Variants in SOAT1 observed in about 807,000 individuals in gnomAD.
SOAT1 encodes acyl-coenzyme A:cholesterol acyltransferase 1.
In SOAT1, 55 loss-of-function variants were observed where a neutral mutation model predicts 69.5. That is an observed-to-expected ratio of 0.79 (90% CI 0.64 to 0.99). The LOEUF (loss-of-function observed/expected upper bound fraction) is 0.99. SOAT1 is among the 50% of genes least tolerant of loss of function. SOAT1 has a pLI of 0.00. For missense variants in SOAT1, 580 were observed against 669.3 expected (o/e 0.87, Z 1.47); for synonymous variants, 231 against 224.7 (o/e 1.03, Z -0.25).
intron 11 of SOAT1, 102 bp downstream of exon 11, chr1:179,345,178 C>T (rs1254368391): frequency 1.1e-5 from 13 of 1,135,694 alleles, no homozygotes; most frequent in Non-Finnish European, 1.6e-5. Context: ...TTCATCTAAA[C>T]TTCTATACAT....
chr1:179,346,967 C>T (rs920292163), intron 11 of SOAT1, among the ~76,000 whole-genome samples: 1 of 151,938 alleles, frequency 6.6e-6, no homozygotes, highest in Non-Finnish European at 1.5e-5. Flanking sequence ...AAAATCTCTC[C>T]CAGTTTTAAA....
chr1:179,358,150 C>CT lies in SOAT1; in HGVS notation c.*4512dup. ...CTTATATGTTTTTGGTAAAAAAAGACTTTAATAGCTAATTTGGACTTCAGA... is the reference window on the plus strand; with the variant it reads ...CTTATATGTTTTTGGTAAAAAAAGACTTTTAATAGCTAATTTGGACTTCAGA... On this transcript the variant is annotated 3_prime_UTR_variant, in exon 16 of 16. Coordinates refer to ENST00000367619, the MANE Select transcript of SOAT1 (RefSeq NM_003101.6). The CT allele has an allele frequency of 6.6e-6, 1 of 152,156 alleles. No homozygotes were observed. The highest frequency in any genetic ancestry group is 1.5e-5 in the Non-Finnish European group (1 of 68,038). The allele number at this position is 152,156 out of a possible 1,614,324, so 9.4% of individuals were successfully genotyped here. A position where few individuals can be genotyped will look rare whatever the true frequency, so the allele number is the denominator to read the frequency against.
At chr1:179,341,812 C>T (rs1666349684) in intron 7 of SOAT1, among the ~76,000 whole-genome samples, 1 of 152,150 alleles carries the variant, frequency 6.6e-6, no homozygotes, top group Non-Finnish European at 1.5e-5. Flanking sequence ...AGATTACAGG[C>T]GTAAGCCACC....
At chr1:179,306,241 C>T (rs72715520) in intron 2 of SOAT1, among the ~76,000 whole-genome samples, 3,432 of 152,308 alleles carry the variant, frequency 0.023, 67 homozygotes, top group Middle Eastern at 0.051. Context: ...TCTCAGTGCC[C>T]AGCCAACTGC....
rs139514773 is a variant in SOAT1 at position 179,302,641 on chromosome 1, G to A, written c.-8-36G>A. 272 of 1,375,510 alleles carry A rather than the reference G, an allele frequency of 2.0e-4. 1 individual carries two copies. The East Asian group carries it at 5.8e-3, about 29-fold the overall frequency. 85.2% of individuals were successfully genotyped at this position (1,375,510 alleles called of 1,614,324 possible). A position where few individuals can be genotyped will look rare whatever the true frequency, so the allele number is the denominator to read the frequency against. Reference sequence around the variant, plus strand: ...GGTAGTGTATAGCAGTGTGAAAACGGACTAATACGAAAGCTTTTTACACCT... The same window carrying A: ...GGTAGTGTATAGCAGTGTGAAAACGAACTAATACGAAAGCTTTTTACACCT... On this transcript the variant is annotated intron_variant, in intron 1 of 15. Coordinates refer to ENST00000367619, the MANE Select transcript of SOAT1 (RefSeq NM_003101.6).
At chr1:179,315,215 C>A (rs947118339) in intron 2 of SOAT1, among the ~76,000 whole-genome samples, 2 of 152,114 alleles carry the variant, frequency 1.3e-5, no homozygotes, top group Non-Finnish European at 2.9e-5. Flanking sequence ...GAGGCCAAGG[C>A]ATGAGGATTG....
chr1:179,342,823 C>A, intron 8 of SOAT1, 39 bp from the exon 9 acceptor site: 1 of 1,480,362 alleles, frequency 6.8e-7, no homozygotes, highest in South Asian at 1.1e-5. Context: ...TGTGAAAAAT[C>A]AAAGAGCCTT....
rs1190799179 is a variant in SOAT1, at chr1:179,341,049, C to T, written c.519C>T (p.Leu173=). The T allele has an allele frequency of 1.2e-6, 2 of 1,614,118 alleles. No homozygotes were observed. Among genetic ancestry groups the T allele is most frequent in the African/African-American group, 1.3e-5 (1 of 75,030 alleles). ...DEGRLVLEFS[L]LSYAFGKFPT... ...CCAGGCTGGTGCTTGAGTTCAGCCT[C>T]CTGTCTTATGCTTTTGGCAAATTTC... Residue 173 remains leucine (L), a synonymous_variant, in exon 7 of 16, where the codon CTC becomes CTT. Transcript: ENST00000367619.
intron 4 of SOAT1, among the ~76,000 whole-genome samples, chr1:179,337,354 T>C (rs2124985787): frequency 6.6e-6 from 1 of 152,306 alleles, no homozygotes; most frequent in East Asian, 1.9e-4. Context: ...AGTCCCTTGA[T>C]ATCAGGAAGG....
chr1:179,302,593 C>G, intron 1 of SOAT1, 84 bp from the exon 2 acceptor site: 7 of 768,816 alleles, frequency 9.1e-6, no homozygotes, highest in Non-Finnish European at 1.4e-5. Flanking sequence ...AAACCTCTTT[C>G]CTTTATAAAT....
At chr1:179,310,679 G>A (rs778380933) in intron 2 of SOAT1, among the ~76,000 whole-genome samples, 2 of 152,204 alleles carry the variant, frequency 1.3e-5, no homozygotes, top group African/African-American at 2.4e-5. Context: ...GTATCGCTTT[G>A]TGGAGAACAA....
intron 2 of SOAT1, among the ~76,000 whole-genome samples, chr1:179,310,964 A>G (rs918103380): frequency 1.3e-5 from 2 of 152,144 alleles, no homozygotes; most frequent in Admixed American, 6.6e-5. Flanking sequence ...TCAATGCTGC[A>G]TGACTAGGGG....
intron 2 of SOAT1, among the ~76,000 whole-genome samples, chr1:179,318,092 G>A (rs187234244): frequency 2.6e-5 from 4 of 152,086 alleles, no homozygotes; most frequent in East Asian, 1.9e-4. Flanking sequence ...CTAGCGGGGC[G>A]GCTGATGCAG....
chr1:179,352,250 CTT>C (rs369185631), intron 15 of SOAT1, among the ~76,000 whole-genome samples: 2 of 142,034 alleles, frequency 1.4e-5, no homozygotes, highest in African/African-American at 2.6e-5. Context: ...AGGAGGATGG[CTT>C]TTTTTTTTTT....
chr1:179,338,730 AAAAT>A (rs1435154087), intron 5 of SOAT1, among the ~76,000 whole-genome samples: 1 of 152,188 alleles, frequency 6.6e-6, no homozygotes, highest in Non-Finnish European at 1.5e-5. Context: ...TTATACATGA[AAAAT>A]AAACAAAATT....
chr1:179,348,759 GATGTGTGTGT>G (rs1558059250), intron 12 of SOAT1, 75 bp from the exon 13 acceptor site: 2 of 637,646 alleles, frequency 3.1e-6, no homozygotes, highest in Non-Finnish European at 2.7e-6. Context: ...TTTCGGGTGG[GATGTGTGTGT>G]GTGTGTGTGT....
chr1:179,311,580 A>T (rs186464022), intron 2 of SOAT1, among the ~76,000 whole-genome samples: 1,355 of 117,440 alleles, frequency 0.012, 46 homozygotes, highest in East Asian at 0.1. Flanking sequence ...GACTGTTTTT[A>T]AAAAAAAAAT....
rs140983459 is a variant in SOAT1, at chr1:179,334,648, C to T, written c.178-858C>T. ...TGAATTGATCATATTAAAATAGTTA[C>T]CTTATAAGTGACATTCTGTACCGTC... On this transcript the variant is annotated intron_variant, in intron 3 of 15. Coordinates refer to ENST00000367619, the MANE Select transcript of SOAT1 (RefSeq NM_003101.6). Among the ~76,000 whole-genome samples, 581 of 152,096 alleles carry T rather than the reference C, an allele frequency of 3.8e-3. 2 individuals carry two copies. The highest frequency in any genetic ancestry group is 0.01 in the Middle Eastern group (3 of 294).
chr1:179,314,173 C>T (rs1423874963), intron 2 of SOAT1, among the ~76,000 whole-genome samples: 1 of 152,060 alleles, frequency 6.6e-6, no homozygotes, highest in Non-Finnish European at 1.5e-5. Context: ...CCTCCTACAC[C>T]CCTCATTCTC....
Sources: allele counts gnomAD v4.1 joint callset (sites outside exome capture counted in the v4.1 genomes callset), GRCh38; gene constraint gnomAD v4.1.1; transcripts MANE v1.5; gene names NCBI Gene and HGNC (gene_info 2026-07-23, HGNC 2026-07-21).